The following SLC12A1 variants were observed in gnomAD, a reference collection of about 807,000 sequenced individuals.
The protein encoded by SLC12A1 is solute carrier family 12 member 1.
A neutral mutation model predicts 130.4 loss-of-function variants in SLC12A1; 89 were observed. The observed-to-expected ratio is 0.68, with a 90% CI of 0.58 to 0.81. The LOEUF (loss-of-function observed/expected upper bound fraction) is 0.81, where lower values mean the gene tolerates loss of function less well. Among genes scored for constraint, SLC12A1 ranks in the 40% least tolerant of loss-of-function variants. The probability of loss-of-function intolerance (pLI) is 0.00; values close to 1 mark genes in which losing one functional copy is unlikely to be tolerated. For synonymous variants in SLC12A1, 499 were observed against 460.0 expected, an observed-to-expected ratio of 1.08 and a Z score of -1.09; for missense variants, 1,310 against 1,336.4, an observed-to-expected ratio of 0.98 and a Z score of 0.31.
At chr15:48,289,936 G>A (rs1250021249) in intron 23 of SLC12A1, among the ~76,000 whole-genome samples, 1 of 151,966 alleles carries the variant, frequency 6.6e-6, no homozygotes, top group Admixed American at 6.6e-5. Flanking sequence ...CTTCAAAGCT[G>A]GACCTGGGAA....
At chr15:48,232,317 C>T (rs2041390980) in intron 7 of SLC12A1, among the ~76,000 whole-genome samples, 1 of 152,214 alleles carries the variant, frequency 6.6e-6, no homozygotes, top group Non-Finnish European at 1.5e-5. Context: ...ATTCTGCATT[C>T]TCGAACTGCT....
intron 17 of SLC12A1, among the ~76,000 whole-genome samples, chr15:48,260,020 C>T (rs1053828979): frequency 2.0e-5 from 3 of 152,168 alleles, no homozygotes; most frequent in Admixed American, 6.5e-5. Flanking sequence ...GTAATCCCAG[C>T]GCTTTGGGAG....
In SLC12A1 at chr15:48,288,516, T is replaced by C. The variant is rs1552311; in HGVS notation, c.2873T>C (p.Val958Ala). The change falls in exon 23 of 27, where the codon GTA becomes GCA. Residue 958 changes from valine to alanine, a missense_variant and splice_region_variant. Val to Ala is a moderately conservative substitution (Grantham distance 64). Transcript: ENST00000380993. The stretch of plus-strand genomic sequence containing the variant: ...AACCGCATTGAAGAAGAAAAAATTG[T>C]GTAAGTAGTTTGCCACTCACATGTT... ...KINRIEEEKI[V>A]MASLLSKFRI... 1 allele frequency: 1,431,863 copies of C among 1,432,578 alleles called. 715,576 individuals are homozygous for C. The highest frequency in any genetic ancestry group is 1 in the Middle Eastern group (5,744 of 5,744). 88.7% of individuals were successfully genotyped at this position (1,432,578 alleles called of 1,614,324 possible). A position where few individuals can be genotyped will look rare whatever the true frequency, so the allele number is the denominator to read the frequency against.
chr15:48,278,799 AGATGT>A (rs2041982488), intron 20 of SLC12A1, among the ~76,000 whole-genome samples: 1 of 152,232 alleles, frequency 6.6e-6, no homozygotes, highest in Non-Finnish European at 1.5e-5. Flanking sequence ...TCAAGCTGAA[AGATGT>A]GATGTAGCTG....
intron 14 of SLC12A1, among the ~76,000 whole-genome samples, chr15:48,250,149 C>G (rs1464206986): frequency 1.3e-5 from 2 of 152,166 alleles, no homozygotes; most frequent in Admixed American, 6.5e-5. Flanking sequence ...TCAGTGCACC[C>G]TTTGGGCTGT....
chr15:48,271,941 A>G (rs528325374), intron 19 of SLC12A1, among the ~76,000 whole-genome samples: 3 of 152,326 alleles, frequency 2.0e-5, no homozygotes, highest in African/African-American at 7.2e-5. Context: ...GGAGGAGGGG[A>G]AAAAGAGCAA....
intron 2 of SLC12A1, among the ~76,000 whole-genome samples, chr15:48,220,142 G>GATAGATAT (rs2141017288): frequency 6.9e-6 from 1 of 144,182 alleles, no homozygotes; most frequent in South Asian, 2.2e-4. Context: ...TAGATAGATA[G>GATAGATAT]ATAGATAGAT....
intron 13 of SLC12A1, among the ~76,000 whole-genome samples, chr15:48,249,313 C>T (rs559109058): frequency 5.1e-5 from 4 of 78,316 alleles, no homozygotes; most frequent in African/African-American, 2.2e-4. Flanking sequence ...CGCACATCTA[C>T]CCATTGCCAC....
chr15:48,207,199 G>A lies in SLC12A1; in HGVS notation c.-186-335G>A, dbSNP rs183540577. 9.9e-4 allele frequency among the ~76,000 whole-genome samples: 151 copies of A among 152,246 alleles called. 1 individual carries two copies. The highest frequency in any genetic ancestry group is 2.5e-4 in the Non-Finnish European group (17 of 68,010). On this transcript the variant is annotated intron_variant, in intron 1 of 26. Transcript: ENST00000380993. ...GTCAGTGAACTGTGTCTTAGGCTGA[G>A]AATATTCTCATCAGCTCTTACTGTA...
At chr15:48,213,905 C>T (rs1299534703) in intron 2 of SLC12A1, among the ~76,000 whole-genome samples, 1 of 152,118 alleles carries the variant, frequency 6.6e-6, no homozygotes, top group Non-Finnish European at 1.5e-5. Flanking sequence ...CATTAAACCA[C>T]ATAAATCAAT....
At chr15:48,226,806 C>T in intron 5 of SLC12A1, 1 of 593,622 alleles carries the variant, frequency 1.7e-6, no homozygotes, top group Admixed American at 3.3e-5. Flanking sequence ...TACAGATGTG[C>T]ACCTTCCTTA....
At position 48,267,691 on chromosome 15, in the gene SLC12A1, G is replaced by T. The variant is rs767926040; in HGVS notation, c.2285G>T (p.Ser762Ile). Residue 762 changes from serine to isoleucine, a missense_variant, in exon 18 of 27, where the codon AGT becomes ATT. Coordinates refer to ENST00000380993, the MANE Select transcript of SLC12A1 (RefSeq NM_000338.3). ...AADCFRDGVR[S>I]LLQASGLGRM... is the part of the protein sequence containing the mutation. ...GACTGTTTCAGGGATGGTGTCCGAA[G>T]TCTTCTTCAGGTAAGGCTGCATTGA... 6.2e-7 allele frequency: 1 copy of T among 1,613,214 alleles called. No homozygotes were observed. Among genetic ancestry groups the T allele is most frequent in the African/African-American group, 1.3e-5 (1 of 74,880 alleles).
At chr15:48,296,118 C>A (rs543193920) in intron 24 of SLC12A1, among the ~76,000 whole-genome samples, 2 of 152,306 alleles carry the variant, frequency 1.3e-5, no homozygotes, top group African/African-American at 4.8e-5. Flanking sequence ...CTCGGCCGGG[C>A]AGCCCTTACC....
rs74513089 is a variant in SLC12A1, at chr15:48,286,040, G to C, written c.2629+791G>C. ...GGCCAGGAAAAGATGGTTTCTCTGG[G>C]AGGGTCTCCAAGTCAAACAGCAGGA... On this transcript the variant is annotated intron_variant, in intron 21 of 26. Transcript: ENST00000380993. 3.0e-4 allele frequency among the ~76,000 whole-genome samples: 45 copies of C among 152,292 alleles called. No individual in the cohort carries two copies. The East Asian group carries it at 8.5e-3, about 29-fold the overall frequency.
chr15:48,218,587 T>C (rs1323692965), intron 2 of SLC12A1, among the ~76,000 whole-genome samples: 1 of 152,178 alleles, frequency 6.6e-6, no homozygotes, highest in Non-Finnish European at 1.5e-5. Context: ...TATGGATGTT[T>C]ATTTCACACC....
chr15:48,244,668 T>C, intron 10 of SLC12A1, 85 bp from the exon 11 acceptor site: 2 of 1,362,228 alleles, frequency 1.5e-6, no homozygotes, highest in Non-Finnish European at 2.1e-6. Flanking sequence ...ACCTTTTCAG[T>C]CTCAAAGTAA....
intron 10 of SLC12A1, 47 bp downstream of exon 10, chr15:48,241,646 C>T (rs1364724411): frequency 7.3e-7 from 1 of 1,362,982 alleles, no homozygotes. Flanking sequence ...TACGAGGGGT[C>T]CAGTTGTTCA....
intron 15 of SLC12A1, among the ~76,000 whole-genome samples, chr15:48,253,385 C>A (rs1439993294): frequency 6.6e-6 from 1 of 152,210 alleles, no homozygotes; most frequent in Non-Finnish European, 1.5e-5. Flanking sequence ...GCTTTTCTGA[C>A]GTCTGATCCT....
chr15:48,210,304 CATG>C (rs2041036812), intron 2 of SLC12A1, among the ~76,000 whole-genome samples: 1 of 152,164 alleles, frequency 6.6e-6, no homozygotes, highest in African/African-American at 2.4e-5. Context: ...CCACGTCACA[CATG>C]ATAATTTTTA....
Sources: gnomAD v4.1 joint callset for allele counts (sites outside exome capture counted in the v4.1 genomes callset) on GRCh38, gnomAD v4.1.1 for gene constraint, MANE v1.5 for transcripts, NCBI Gene and HGNC (gene_info 2026-07-23, HGNC 2026-07-21) for gene names.